The following ZNF684 variants were observed in gnomAD, a reference collection of about 807,000 sequenced individuals.
ZNF684 encodes the protein zinc finger protein 684.
ZNF684 carries 13 observed loss-of-function variants against 12.8 expected under a neutral mutation model. That is an observed-to-expected ratio of 1.02 (90% CI 0.66 to 1.62). The LOEUF (loss-of-function observed/expected upper bound fraction) is 1.62, where lower values mean the gene tolerates loss of function less well. ZNF684 is among the 40% of genes most tolerant of loss of function. The pLI, the probability that ZNF684 is intolerant of heterozygous loss-of-function variation, is 0.00. For synonymous variants in ZNF684, 118 were observed against 151.8 expected (o/e 0.78, Z 1.64); for missense variants, 384 against 446.9 (o/e 0.86, Z 1.27).
chr1:40,533,603 G>A (rs1270782505), intron 2 of ZNF684, among the ~76,000 whole-genome samples: 1 of 152,146 alleles, frequency 6.6e-6, no homozygotes, highest in Non-Finnish European at 1.5e-5. Context: ...GACTTTCTTA[G>A]AGTATTCCCT....
intron 4 of ZNF684, among the ~76,000 whole-genome samples, chr1:40,546,328 C>T (rs536371124): frequency 3.9e-4 from 60 of 152,272 alleles, no homozygotes; most frequent in Non-Finnish European, 5.9e-4. Flanking sequence ...TTTTGACTTC[C>T]TTCGTACCCT....
chr1:40,533,051 G>A (rs1197921875), intron 1 of ZNF684, 92 bp from the exon 2 acceptor site: 2 of 1,004,398 alleles, frequency 2.0e-6, no homozygotes, highest in Non-Finnish European at 3.0e-6. Context: ...TGCAGTGTGG[G>A]TACTTATGGT....
At chr1:40,538,960 G>C (rs1645999681) in intron 2 of ZNF684, among the ~76,000 whole-genome samples, 1 of 152,120 alleles carries the variant, frequency 6.6e-6, no homozygotes, top group Non-Finnish European at 1.5e-5. Context: ...GCTGAAGCAG[G>C]AAGATCACTT....
chr1:40,545,920 T>C (rs1029115484), intron 4 of ZNF684, among the ~76,000 whole-genome samples: 2 of 132,230 alleles, frequency 1.5e-5, no homozygotes, highest in African/African-American at 2.9e-5. Flanking sequence ...CTTTTCTTTT[T>C]TTTTTTTTTT....
At chr1:40,538,944 T>G (rs910652770) in intron 2 of ZNF684, among the ~76,000 whole-genome samples, 6 of 152,036 alleles carry the variant, frequency 3.9e-5, no homozygotes, top group South Asian at 2.1e-4. Flanking sequence ...TCCCAGCCTT[T>G]GGGAGGCTGA....
At position 40,547,419 on chromosome 1, in the gene ZNF684, C is replaced by T. The variant is rs1434299665; in HGVS notation, c.1096C>T (p.Gln366Ter). Residue 366 changes from glutamine to a stop codon, truncating the protein, a stop_gained, in exon 5 of 5, where the codon CAG becomes TAG. Transcript: ENST00000372699. LOFTEE classifies it low-confidence loss of function (END_TRUNC). The stretch of plus-strand genomic sequence containing the variant: ...TAACAGATGTGGGAAAGCATTTTCC[C>T]AGAAGTCAAATCTTATTGTACATCA... ...ECNRCGKAFS[Q>*]KSNLIVHQKI... 3 of 1,610,902 alleles carry T rather than the reference C, an allele frequency of 1.9e-6. No individual in the cohort carries two copies. The highest frequency in any genetic ancestry group is 2.2e-5 in the East Asian group (1 of 44,792).
rs569116045 is a variant in ZNF684, at chr1:40,542,549, C to G, written c.238+839C>G. Reference sequence around the variant, plus strand: ...CTTCTCTTCCATCTTCTTGACTTCTCTCTACAATAACTCCCTCAGAAGCCT... The same window carrying G: ...CTTCTCTTCCATCTTCTTGACTTCTGTCTACAATAACTCCCTCAGAAGCCT... On this transcript the variant is annotated intron_variant, in intron 4 of 4. Transcript: ENST00000372699. Among the ~76,000 whole-genome samples the G allele has an allele frequency of 3.7e-4, 57 of 152,262 alleles. 1 individual carries two copies. In the South Asian group the frequency reaches 0.011, roughly 28 times the overall value.
intron 2 of ZNF684, among the ~76,000 whole-genome samples, chr1:40,535,853 G>A (rs1645981007): frequency 1.3e-5 from 2 of 152,072 alleles, no homozygotes; most frequent in African/African-American, 2.4e-5. Context: ...TAGATTTGAA[G>A]GTCATACAGC....
chr1:40,541,746 T>C (rs1272995374), intron 4 of ZNF684, 36 bp downstream of exon 4: 2 of 1,559,408 alleles, frequency 1.3e-6, no homozygotes, highest in East Asian at 2.3e-5. Context: ...CTGTGTGGAG[T>C]TGAGATCCCC....
intron 4 of ZNF684, chr1:40,544,780 A>T (rs1357852100): frequency 6.5e-6 from 1 of 152,744 alleles, no homozygotes; most frequent in Non-Finnish European, 1.5e-5. Context: ...AGAAATTCAT[A>T]GAAAATGGAG....
At position 40,540,800 on chromosome 1, in the gene ZNF684, G is replaced by A. The variant is rs1570110567; in HGVS notation, c.142+88G>A. On this transcript the variant is annotated intron_variant, in intron 3 of 4. Transcript: ENST00000372699. ...TAAGACTTGGGAACGTTTGCCAATTGTGGTCGCTCATGCTTATAATCCCAG... is the reference window on the plus strand; with the variant it reads ...TAAGACTTGGGAACGTTTGCCAATTATGGTCGCTCATGCTTATAATCCCAG... The A allele has an allele frequency of 6.9e-6, 9 of 1,301,804 alleles. No homozygotes were observed. The East Asian group carries it at 2.2e-4, about 32-fold the overall frequency. The allele number at this position is 1,301,804 out of a possible 1,614,324, so 80.6% of individuals were successfully genotyped here.
intron 3 of ZNF684, among the ~76,000 whole-genome samples, chr1:40,540,934 G>A (rs1646011031): frequency 6.7e-6 from 1 of 149,904 alleles, no homozygotes; most frequent in Admixed American, 6.8e-5. Flanking sequence ...GTACATGCCT[G>A]TTGTCCCAGC....
At chr1:40,532,708 C>T (rs1381157938) in intron 1 of ZNF684, among the ~76,000 whole-genome samples, 3 of 152,100 alleles carry the variant, frequency 2.0e-5, no homozygotes, top group African/African-American at 7.2e-5. Flanking sequence ...GAAAGCCCAA[C>T]CTAATTTGCA....
chr1:40,540,624 T>C lies in ZNF684; in HGVS notation c.54T>C (p.Thr18=), dbSNP rs745727053. Residue 18 remains threonine (T), a synonymous_variant, in exon 3 of 5, where the codon ACT becomes ACC. Transcript: ENST00000372699. The part of the protein sequence containing the change: ...VTFQDVAVDF[T]AEEWQLLDCA... ...TCCAGGATGTGGCTGTGGATTTCACTGCAGAGGAGTGGCAGCTGCTTGATT... is the reference window on the plus strand; with the variant it reads ...TCCAGGATGTGGCTGTGGATTTCACCGCAGAGGAGTGGCAGCTGCTTGATT... 6 of 1,612,724 alleles carry C rather than the reference T, an allele frequency of 3.7e-6. No homozygotes were observed. The Admixed American group carries it at 5.0e-5, about 13-fold the overall frequency.
At chr1:40,539,412 C>A (rs142455324) in intron 2 of ZNF684, among the ~76,000 whole-genome samples, 2 of 152,170 alleles carry the variant, frequency 1.3e-5, no homozygotes, top group Non-Finnish European at 2.9e-5. Flanking sequence ...GTAGGAAGAT[C>A]GCTTGAGTCC....
intron 2 of ZNF684, among the ~76,000 whole-genome samples, chr1:40,540,235 G>T (rs979946137): frequency 2.6e-5 from 4 of 151,926 alleles, no homozygotes; most frequent in African/African-American, 7.3e-5. Flanking sequence ...TGATAGCTTT[G>T]TTTCTTACTT....
chr1:40,541,379 C>G (rs1413686743), intron 3 of ZNF684: 1 of 302,080 alleles, frequency 3.3e-6, no homozygotes, highest in Non-Finnish European at 6.7e-6. Context: ...GAGACAGGGT[C>G]TCACTGTGTT....
At chr1:40,540,848 G>A in intron 3 of ZNF684, 136 bp downstream of exon 3, 2 of 915,104 alleles carry the variant, frequency 2.2e-6, no homozygotes, top group South Asian at 3.0e-5. Flanking sequence ...CAGGAGAATT[G>A]CTTGAGCCCA....
rs79167467 is a variant in ZNF684 at position 40,535,378 on chromosome 1, T to C, written c.15+2197T>C. On this transcript the variant is annotated intron_variant, in intron 2 of 4. Transcript: ENST00000372699. ...TGCATGGCAAGAATACTGTATTTTT[T>C]TTTATCTGCATTTGGTTGTAGATGC... Among the ~76,000 whole-genome samples, 499 of 152,302 alleles carry C rather than the reference T, an allele frequency of 3.3e-3. 14 individuals carry two copies. The East Asian group carries it at 0.071, about 22-fold the overall frequency.
Sources: allele counts gnomAD v4.1 joint callset (sites outside exome capture counted in the v4.1 genomes callset), GRCh38; gene constraint gnomAD v4.1.1; transcripts MANE v1.5; gene names NCBI Gene and HGNC (gene_info 2026-07-23, HGNC 2026-07-21).